The following POGZ variants were observed in gnomAD, a reference collection of about 807,000 sequenced individuals.
POGZ encodes pogo transposable element with ZNF domain.
POGZ carries 17 observed loss-of-function variants against 134.6 expected under a neutral mutation model. The observed-to-expected ratio is 0.13, with a 90% CI of 0.09 to 0.19. POGZ has a LOEUF of 0.19. POGZ is among the 10% of genes least tolerant of loss of function. POGZ has a pLI of 1.00. For synonymous variants in POGZ, 693 were observed against 657.1 expected, an observed-to-expected ratio of 1.05 and a Z score of -0.84; for missense variants, 1,306 against 1,769.7, an observed-to-expected ratio of 0.74 and a Z score of 4.70.
chr1:151,426,574 C>T (rs1657820166), intron 7 of POGZ: 1 of 152,086 alleles, frequency 6.6e-6, no homozygotes, highest in South Asian at 2.1e-4. Context: ...GATATTAACC[C>T]CTTATTAGAT....
chr1:151,405,637 T>C lies in POGZ; in HGVS notation c.3398A>G (p.Asp1133Gly). The change falls in exon 19 of 19, where the codon GAT (aspartate) becomes GGT (glycine). Residue 1133 changes from aspartate (D) to glycine (G), a missense_variant. Asp to Gly is a moderately conservative substitution (Grantham distance 94). Transcript: ENST00000271715. This position sits in a 1 kb window ranked among gnomAD's most constrained non-coding sequence, Gnocchi z 4.9. ...ATCATCACTGCTCAGCACCTCTGTA[T>C]CCAGGAACAAAGAGATCTCATCAAT... Reference protein sequence around the residue: ...VAIDEISLFLDTEVLSSDDRK... With the variant: ...VAIDEISLFLGTEVLSSDDRK... 1 of 1,614,200 alleles carries C rather than the reference T, an allele frequency of 6.2e-7. No individual in the cohort carries two copies. Among genetic ancestry groups the C allele is most frequent in the Non-Finnish European group, 8.5e-7 (1 of 1,180,028 alleles).
chr1:151,419,695 A>AAC (rs1553221622), intron 10 of POGZ, among the ~76,000 whole-genome samples: 1 of 149,280 alleles, frequency 6.7e-6, no homozygotes, highest in Non-Finnish European at 1.5e-5. Flanking sequence ...AAAAAAAAAA[A>AAC]CTACTTTCAT....
At chr1:151,451,035 T>A (rs934631392) in intron 1 of POGZ, 1 of 150,596 alleles carries the variant, frequency 6.6e-6, no homozygotes, top group African/African-American at 2.5e-5. Flanking sequence ...AGAGATGTGG[T>A]GAAACCCCGT....
At position 151,427,921 on chromosome 1, in the gene POGZ, A is replaced by G; in HGVS notation, c.980T>C (p.Ile327Thr). The G allele has an allele frequency of 6.2e-7, 1 of 1,614,048 alleles. No homozygotes were observed. The highest frequency in any genetic ancestry group is 8.5e-7 in the Non-Finnish European group (1 of 1,179,940). The change falls in exon 7 of 19, where the codon ATC becomes ACC. Residue 327 changes from isoleucine (I) to threonine (T), a missense_variant. By Grantham distance (89) the Ile-to-Thr change is moderately conservative. Around this residue, in one of 10 missense-constraint regions of POGZ, gnomAD observed 541 missense variants for 680.5 expected, o/e 0.80. Coordinates refer to ENST00000271715, the MANE Select transcript of POGZ (RefSeq NM_015100.4). ...CCCAGGACTCTGGCCCAGGGAAGGGATGGTGTTAAGGGTATTCACCAATTT... is the reference window on the plus strand; with the variant it reads ...CCCAGGACTCTGGCCCAGGGAAGGGGTGGTGTTAAGGGTATTCACCAATTT... ...VAKLVNTLNT[I>T]PSLGQSPGPV...
intron 1 of POGZ, among the ~76,000 whole-genome samples, chr1:151,456,127 A>G (rs1662745831): frequency 6.6e-6 from 1 of 152,024 alleles, no homozygotes. Context: ...ATCCATTGCT[A>G]TGTCTGGAAT....
chr1:151,444,225 C>A (rs1340046559), intron 1 of POGZ, among the ~76,000 whole-genome samples: 1 of 152,080 alleles, frequency 6.6e-6, no homozygotes, highest in Non-Finnish European at 1.5e-5. Context: ...AGAAAAAGAT[C>A]TAAGGGATCA....
intron 12 of POGZ, among the ~76,000 whole-genome samples, chr1:151,409,258 T>TC (rs1654225568): frequency 1.3e-5 from 2 of 152,332 alleles, no homozygotes; most frequent in South Asian, 4.1e-4. Context: ...TGCTTTCAAC[T>TC]CCAACACTCA....
At chr1:151,452,040 T>G (rs1218815958) in intron 1 of POGZ, among the ~76,000 whole-genome samples, 1 of 138,106 alleles carries the variant, frequency 7.2e-6, no homozygotes, top group East Asian at 2.1e-4. Context: ...GAGGTTGCAG[T>G]GAGCCGAGAT....
rs1174636080 is a variant in POGZ, at chr1:151,452,358, C to CTT, written c.-2+6792_-2+6793dup. Among the ~76,000 whole-genome samples the CTT allele has an allele frequency of 9.1e-3, 1,339 of 147,658 alleles. 20 individuals are homozygous for CTT. The highest frequency in any genetic ancestry group is 0.032 in the African/African-American group (1,278 of 40,456). On this transcript the variant is annotated intron_variant, in intron 1 of 18. Coordinates refer to ENST00000271715, the MANE Select transcript of POGZ (RefSeq NM_015100.4). ...GTTAAGCAAATACATAGATATTTGG[C>CTT]TTTTTTTTTTGAGACAGGGTGTCAT...
chr1:151,459,031 C>G (rs991321749), intron 1 of POGZ, 121 bp downstream of exon 1: 7 of 146,752 alleles, frequency 4.8e-5, no homozygotes, highest in African/African-American at 1.7e-4. Context: ...CCCCCACCCC[C>G]GCGCGTACCG....
At chr1:151,408,856 C>CA (rs1412808078) in intron 12 of POGZ, 28 bp from the exon 13 acceptor site, 1 of 1,600,598 alleles carries the variant, frequency 6.2e-7, no homozygotes, top group Admixed American at 1.7e-5. Flanking sequence ...AAAAAAGAGA[C>CA]AAAATCCCTT....
rs768394225 is a variant in POGZ at position 151,406,478 on chromosome 1, G to A, written c.2571-14C>T. ...GTCTGGCCATGCCTAAAGGGGTGAG[G>A]AGCAAAGAGAAGAGGAGAAATCTCA... On this transcript the variant is annotated splice_polypyrimidine_tract_variant and intron_variant, in intron 18 of 18. Transcript: ENST00000271715. 1.0e-5 allele frequency: 16 copies of A among 1,554,972 alleles called. 1 individual carries two copies. The Admixed American group carries it at 3.1e-4, about 30-fold the overall frequency.
At chr1:151,449,572 C>T (rs180996152) in intron 1 of POGZ, among the ~76,000 whole-genome samples, 92 of 152,288 alleles carry the variant, frequency 6.0e-4, no homozygotes, top group African/African-American at 2.1e-3. Context: ...ACATTCTATA[C>T]ATAAAGAACT....
intron 1 of POGZ, among the ~76,000 whole-genome samples, chr1:151,445,699 T>A (rs1661170643): frequency 6.6e-6 from 1 of 152,114 alleles, no homozygotes; most frequent in African/African-American, 2.4e-5. Context: ...TTTCACAGAC[T>A]TATACACAAA....
chr1:151,438,392 ACTGT>A (rs1334269002), intron 3 of POGZ, among the ~76,000 whole-genome samples: 1 of 151,878 alleles, frequency 6.6e-6, no homozygotes, highest in Non-Finnish European at 1.5e-5. Context: ...GTCTATACCC[ACTGT>A]CTTCTTTTTT....
chr1:151,456,183 T>C (rs1214817158), intron 1 of POGZ, among the ~76,000 whole-genome samples: 3 of 152,222 alleles, frequency 2.0e-5, no homozygotes, highest in Non-Finnish European at 2.9e-5. Flanking sequence ...ACATCATGCA[T>C]TGGTCATTTG....
intron 5 of POGZ, among the ~76,000 whole-genome samples, chr1:151,429,232 C>T (rs1658298418): frequency 1.3e-5 from 2 of 151,268 alleles, no homozygotes; most frequent in South Asian, 2.1e-4. Context: ...AAAATCTATG[C>T]TATAAAATTA....
chr1:151,457,955 T>A (rs1400746217), intron 1 of POGZ, among the ~76,000 whole-genome samples: 2 of 150,654 alleles, frequency 1.3e-5, no homozygotes, highest in Non-Finnish European at 3.0e-5. Context: ...TAAAACCCCA[T>A]TTCTGTGGAG....
At chr1:151,420,711 T>C (rs1656740521) in intron 10 of POGZ, among the ~76,000 whole-genome samples, 1 of 152,156 alleles carries the variant, frequency 6.6e-6, no homozygotes, top group Admixed American at 6.5e-5. Context: ...ACACTTAAAA[T>C]GTGGTAAGCT....
Sources: gnomAD v4.1 joint callset for allele counts (sites outside exome capture counted in the v4.1 genomes callset) on GRCh38, gnomAD v4.1.1 for gene constraint, gnomAD v4.1.1 regional missense constraint, Gnocchi (gnomAD v3.1) non-coding constraint, MANE v1.5 for transcripts, NCBI Gene and HGNC (gene_info 2026-07-23, HGNC 2026-07-21) for gene names.